The following MAN1B1 variants were observed in gnomAD, a reference collection of about 807,000 sequenced individuals.
The protein encoded by MAN1B1 is mannosidase alpha class 1B member 1, also known as endoplasmic reticulum mannosyl-oligosaccharide 1,2-alpha-mannosidase.
MAN1B1 carries 66 observed loss-of-function variants against 75.5 expected under a neutral mutation model. That is an observed-to-expected ratio of 0.87 (90% CI 0.72 to 1.07). The LOEUF is 1.07. Among genes scored for constraint, MAN1B1 ranks in the 50% least tolerant of loss-of-function variants. The pLI is 0.00. For missense variants in MAN1B1, 973 were observed against 912.5 expected (o/e 1.07, Z -0.85); for synonymous variants, 453 against 382.8 (o/e 1.18, Z -2.14).
intron 4 of MAN1B1, 89 bp from the exon 5 acceptor site, chr9:137,097,739 G>A: frequency 9.9e-7 from 1 of 1,014,094 alleles, no homozygotes; most frequent in Non-Finnish European, 1.5e-6. Context: ...GCAGGGCTGT[G>A]CCTTGGCCGT....
At chr9:137,104,005 A>G (rs1175104037) in intron 8 of MAN1B1, 1 of 455,108 alleles carries the variant, frequency 2.2e-6, no homozygotes, top group East Asian at 7.0e-5. Flanking sequence ...GTGGTGTTAC[A>G]TTCACGCTGT....
In MAN1B1 at chr9:137,108,954, C is replaced by T; in HGVS notation, c.*363C>T. The T allele has an allele frequency of 2.1e-6, 1 of 478,090 alleles. No individual in the cohort carries two copies. Among genetic ancestry groups the T allele is most frequent in the South Asian group, 1.5e-5 (1 of 64,732 alleles). 29.6% of individuals were successfully genotyped at this position (478,090 alleles called of 1,614,324 possible). The stretch of plus-strand genomic sequence containing the variant: ...GTGGACAGCCCAGGGTGCAGCTCTG[C>T]CCGGGCTCGTGAAGCCTCAGATGTC... On this transcript the variant is annotated 3_prime_UTR_variant, in exon 13 of 13. Transcript: ENST00000371589.
chr9:137,092,790 TG>T (rs1830549101), intron 3 of MAN1B1, among the ~76,000 whole-genome samples: 1 of 152,222 alleles, frequency 6.6e-6, no homozygotes, highest in Non-Finnish European at 1.5e-5. Flanking sequence ...AGTCAGAAAC[TG>T]GCGCCTGCTT....
chr9:137,108,506 T>A lies in MAN1B1; in HGVS notation c.2015T>A (p.Phe672Tyr). The A allele has an allele frequency of 6.2e-7, 1 of 1,613,986 alleles. No homozygotes were observed. Among genetic ancestry groups the A allele is most frequent in the African/African-American group, 1.3e-5 (1 of 75,026 alleles). ...GETLKYLFLL[F>Y]SDDPNLLSLD... ...ACGCTCAAGTATCTGTTCTTGCTCTTCTCCGATGACCCAAACCTGCTCAGC... is the reference window on the plus strand; with the variant it reads ...ACGCTCAAGTATCTGTTCTTGCTCTACTCCGATGACCCAAACCTGCTCAGC... Residue 672 changes from phenylalanine to tyrosine, a missense_variant, in exon 13 of 13, where the codon TTC becomes TAC. Physicochemically the swap from Phe to Tyr is conservative, Grantham distance 22. Transcript: ENST00000371589.
At position 137,106,752 on chromosome 9, in the gene MAN1B1, G is replaced by A. The variant is rs746339723; in HGVS notation, c.1509G>A (p.Glu503=). 1.9e-6 allele frequency: 3 copies of A among 1,613,502 alleles called. No homozygotes were observed. The highest frequency in any genetic ancestry group is 2.5e-6 in the Non-Finnish European group (3 of 1,179,992). The stretch of plus-strand genomic sequence containing the variant: ...GAACGCACCTGCTGCGGCACTCCGA[G>A]CCCAGTAAGCTCACCTTTGTGGGGG... The part of the protein sequence containing the change: ...GVRTHLLRHS[E]PSKLTFVGEL... The change falls in exon 10 of 13, where the codon GAG becomes GAA. Residue 503 remains glutamate (E), a synonymous_variant. Transcript: ENST00000371589.
intron 4 of MAN1B1, among the ~76,000 whole-genome samples, chr9:137,097,162 A>G (rs1411682917): frequency 6.6e-6 from 1 of 152,202 alleles, no homozygotes; most frequent in Non-Finnish European, 1.5e-5. Context: ...GTTGGCATGA[A>G]TGCAAGGACG....
At chr9:137,102,189 C>A (rs13298199) in intron 8 of MAN1B1, 181,882 of 431,122 alleles carry the variant, frequency 0.42, 34,342 homozygotes, top group East Asian at 0.65. Context: ...GAGTACAGGT[C>A]GGTGGTGTTA....
intron 8 of MAN1B1, chr9:137,102,507 T>TA (rs1188106944): frequency 2.4e-6 from 1 of 414,270 alleles, no homozygotes; most frequent in Non-Finnish European, 4.7e-6. Flanking sequence ...AGGTCAGTGT[T>TA]ACACACATTC....
rs75315382 is a variant in MAN1B1 at position 137,105,804 on chromosome 9, G to A, written c.1255-321G>A. 4.8e-3 allele frequency: 2,513 copies of A among 520,420 alleles called. 18 individuals carry two copies. The highest frequency in any genetic ancestry group is 0.023 in the African/African-American group (1,184 of 52,292). 32.2% of individuals were successfully genotyped at this position (520,420 alleles called of 1,614,324 possible). ...TGACGGCCAGGCCTGGTGGGCTCTC[G>A]TGAGGACAGTGCCTGTGGTTGTCAG... On this transcript the variant is annotated intron_variant, in intron 8 of 12. Transcript: ENST00000371589.
chr9:137,088,547 C>G (rs889117694), intron 2 of MAN1B1: 1 of 942,986 alleles, frequency 1.1e-6, no homozygotes, highest in Non-Finnish European at 1.6e-6. Context: ...TGTGGAGAAT[C>G]TCTTCTCACT....
At chr9:137,089,685 G>A (rs1048221768) in intron 3 of MAN1B1, among the ~76,000 whole-genome samples, 1 of 152,202 alleles carries the variant, frequency 6.6e-6, no homozygotes, top group African/African-American at 2.4e-5. Context: ...AACTGCTCTG[G>A]CTGGGTGGAG....
rs1309626640 is a variant in MAN1B1 at position 137,087,081 on chromosome 9, C to T, written c.82C>T (p.Pro28Ser). 1.9e-6 allele frequency: 3 copies of T among 1,601,352 alleles called. No homozygotes were observed. Among genetic ancestry groups the T allele is most frequent in the Non-Finnish European group, 2.6e-6 (3 of 1,175,872 alleles). ...DFLTPPVGGA[P>S]WAVATTVVMY... is the part of the protein sequence containing the mutation. ...CCTGACGCCGCCAGTGGGCGGGGCC[C>T]CTTGGGCCGTCGCCACCACTGTAGT... is the stretch of plus-strand genomic sequence containing the variant. Residue 28 changes from proline to serine, a missense_variant, in exon 1 of 13, where the codon CCT becomes TCT. Physicochemically the swap from Pro to Ser is moderately conservative, Grantham distance 74 (BLOSUM62 -1). Transcript: ENST00000371589.
Position 137,106,948 on chromosome 9 carries a change from C to T in MAN1B1, c.1566+139C>T, listed in dbSNP as rs1007262602. The T allele has an allele frequency of 3.2e-6, 4 of 1,249,294 alleles. No individual in the cohort carries two copies. In the African/African-American group the frequency reaches 4.5e-5, roughly 14 times the overall value. 77.4% of individuals were successfully genotyped at this position (1,249,294 alleles called of 1,614,324 possible). A position where few individuals can be genotyped will look rare whatever the true frequency, so the allele number is the denominator to read the frequency against. ...CCCTGGGTGGACCGTGGCTGCCTGGCCAGGCCTGTCTTGGCAACAGGGCAG... is the reference window on the plus strand; with the variant it reads ...CCCTGGGTGGACCGTGGCTGCCTGGTCAGGCCTGTCTTGGCAACAGGGCAG... On this transcript the variant is annotated intron_variant, in intron 10 of 12. Transcript: ENST00000371589.
intron 8 of MAN1B1, chr9:137,104,204 C>T (rs563230040): frequency 3.6e-5 from 14 of 388,964 alleles, no homozygotes; most frequent in African/African-American, 2.5e-4. Context: ...TGGAGTTCCT[C>T]GTGTGAGTGC....
rs745881473 is a variant in MAN1B1, at chr9:137,107,540, A to G, written c.1774A>G (p.Arg592Gly). 9 of 1,612,956 alleles carry G rather than the reference A, an allele frequency of 5.6e-6. No individual in the cohort carries two copies. The South Asian group carries it at 8.8e-5, about 16-fold the overall frequency. Residue 592 changes from arginine to glycine, a missense_variant, in exon 12 of 13, where the codon AGG (arginine) becomes GGG (glycine). Coordinates refer to ENST00000371589, the MANE Select transcript of MAN1B1 (RefSeq NM_016219.5). ...TCTGCTCCGCCCACAGCCAGCAGAC[A>G]GGCACAACCTGCTGCGGCCAGAGAC... Reference protein sequence around the residue: ...RRDVEVKPADRHNLLRPETVE... With the variant: ...RRDVEVKPADGHNLLRPETVE...
intron 8 of MAN1B1, chr9:137,104,123 A>C (rs944070334): frequency 2.0e-5 from 9 of 453,854 alleles, no homozygotes; most frequent in Admixed American, 9.4e-5. Context: ...CCCATCACAC[A>C]GTGACCCTTC....
intron 3 of MAN1B1, among the ~76,000 whole-genome samples, chr9:137,091,521 A>ATTTTTTTTTTTTTTTTT (rs964752016): frequency 4.7e-4 from 42 of 89,908 alleles, no homozygotes; most frequent in Non-Finnish European, 8.2e-4. Context: ...TTTGTTTTAT[A>ATTTTTTTTTTTTTTTTT]TTTTTTTTTT....
chr9:137,108,103 G>A (rs367671280), intron 12 of MAN1B1: 13 of 606,844 alleles, frequency 2.1e-5, no homozygotes, highest in South Asian at 6.0e-5. Flanking sequence ...CGCTCCCACC[G>A]TCTGCCCTGT....
At chr9:137,089,074 T>C in intron 3 of MAN1B1, 69 bp downstream of exon 3, 1 of 1,572,628 alleles carries the variant, frequency 6.4e-7, no homozygotes, top group South Asian at 1.1e-5. Flanking sequence ...CCACTGAAGA[T>C]TGAGAAGAAT....
Sources: allele counts gnomAD v4.1 joint callset (sites outside exome capture counted in the v4.1 genomes callset), GRCh38; gene constraint gnomAD v4.1.1; transcripts MANE v1.5; gene names NCBI Gene and HGNC (gene_info 2026-07-23, HGNC 2026-07-21).